Variants in AGBL4 observed in about 807,000 individuals in gnomAD.
AGBL4 encodes cytosolic carboxypeptidase 6.
A neutral mutation model predicts 66.4 loss-of-function variants in AGBL4; 58 were observed. The ratio of observed to expected loss-of-function variants is 0.87; its 90% CI spans 0.71 to 1.09. The LOEUF (loss-of-function observed/expected upper bound fraction) is 1.09. AGBL4 is among the 50% of genes least tolerant of loss of function. The pLI is 0.00. For synonymous variants in AGBL4, 234 were observed against 222.9 expected (o/e 1.05, Z -0.44); for missense variants, 579 against 631.0 (o/e 0.92, Z 0.88).
At chr1:49,145,185 A>G (rs1646193658) in intron 4 of AGBL4, among the ~76,000 whole-genome samples, 1 of 152,132 alleles carries the variant, frequency 6.6e-6, no homozygotes, top group Admixed American at 6.5e-5. Flanking sequence ...GAGACAAGCA[A>G]CTTCTTATGG....
chr1:48,806,664 G>GA (rs1336255997), intron 6 of AGBL4, among the ~76,000 whole-genome samples: 1 of 152,170 alleles, frequency 6.6e-6, no homozygotes, highest in East Asian at 1.9e-4. Flanking sequence ...TAGCCTGGGG[G>GA]ACACAAAGAG....
intron 4 of AGBL4, among the ~76,000 whole-genome samples, chr1:49,084,453 AC>A (rs373981629): frequency 2.3e-4 from 35 of 152,304 alleles, no homozygotes; most frequent in African/African-American, 8.4e-4. Context: ...GAGCAAAGGT[AC>A]ATCTTACATT....
At chr1:49,064,956 GTTA>G (rs1254413502) in intron 4 of AGBL4, among the ~76,000 whole-genome samples, 2 of 152,118 alleles carry the variant, frequency 1.3e-5, no homozygotes, top group East Asian at 3.9e-4. Flanking sequence ...TCATTATAAT[GTTA>G]TTAGTTTTAT....
chr1:49,944,577 C>A (rs1655047636), intron 1 of AGBL4, among the ~76,000 whole-genome samples: 1 of 152,036 alleles, frequency 6.6e-6, no homozygotes, highest in Non-Finnish European at 1.5e-5. Context: ...AAACCCTAGA[C>A]CTTCCCTCTG....
intron 4 of AGBL4, among the ~76,000 whole-genome samples, chr1:49,172,833 A>G (rs759183824): frequency 6.6e-6 from 1 of 152,182 alleles, no homozygotes; most frequent in South Asian, 2.1e-4. Context: ...TTTGGATATA[A>G]TAGTACTCTA....
chr1:49,166,892 T>C (rs1646645261), intron 4 of AGBL4, among the ~76,000 whole-genome samples: 1 of 152,180 alleles, frequency 6.6e-6, no homozygotes, highest in African/African-American at 2.4e-5. Flanking sequence ...GACTTTTAAC[T>C]TCATGATTCT....
rs1385256429 is a variant in AGBL4, at chr1:48,535,265, C to T, written c.1365-349G>A. On this transcript the variant is annotated intron_variant, in intron 12 of 13. Coordinates refer to ENST00000371839, the MANE Select transcript of AGBL4 (RefSeq NM_032785.4). ...CACTGGAAGGCAAAACATCCCATACCTTTAGGCCTCTGCAGAGGCTGTTTC... is the reference window on the plus strand; with the variant it reads ...CACTGGAAGGCAAAACATCCCATACTTTTAGGCCTCTGCAGAGGCTGTTTC... Among the ~76,000 whole-genome samples the T allele has an allele frequency of 2.6e-5, 4 of 152,036 alleles. No individual in the cohort carries two copies. The East Asian group carries it at 7.7e-4, about 29-fold the overall frequency.
chr1:49,712,136 G>A (rs1325546531), intron 2 of AGBL4, among the ~76,000 whole-genome samples: 2 of 151,880 alleles, frequency 1.3e-5, no homozygotes, highest in African/African-American at 4.8e-5. Flanking sequence ...AATTGAACAT[G>A]AAATAATTGT....
intron 4 of AGBL4, among the ~76,000 whole-genome samples, chr1:49,155,828 C>T (rs1198644251): frequency 6.6e-6 from 1 of 152,178 alleles, no homozygotes; most frequent in Non-Finnish European, 1.5e-5. Flanking sequence ...ATCTTCCTGG[C>T]TGATCTACCA....
chr1:48,639,773 T>C (rs953770984), intron 8 of AGBL4, among the ~76,000 whole-genome samples: 3 of 152,188 alleles, frequency 2.0e-5, no homozygotes, highest in Non-Finnish European at 4.4e-5. Context: ...GGGTATAGCA[T>C]GTGCAAAGTT....
intron 5 of AGBL4, among the ~76,000 whole-genome samples, chr1:48,927,481 C>T (rs931989406): frequency 2.0e-5 from 3 of 152,056 alleles, no homozygotes; most frequent in Admixed American, 6.6e-5. Context: ...AGCTACAATT[C>T]GAGATTTGGG....
chr1:48,684,768 T>A (rs993587722), intron 6 of AGBL4, among the ~76,000 whole-genome samples: 3 of 152,116 alleles, frequency 2.0e-5, no homozygotes, highest in African/African-American at 7.2e-5. Flanking sequence ...GAGATCCTTA[T>A]CCATTAAAAA....
chr1:49,035,393 A>G (rs1043446560), intron 5 of AGBL4, among the ~76,000 whole-genome samples: 4 of 152,188 alleles, frequency 2.6e-5, no homozygotes, highest in African/African-American at 9.6e-5. Flanking sequence ...CAGGAATGAA[A>G]GGAAGAAAAG....
intron 3 of AGBL4, among the ~76,000 whole-genome samples, chr1:49,261,143 T>A (rs1653117499): frequency 6.6e-6 from 1 of 152,038 alleles, no homozygotes; most frequent in African/African-American, 2.4e-5. Flanking sequence ...AAATTAGGTA[T>A]TGATGGGACA....
intron 11 of AGBL4, among the ~76,000 whole-genome samples, chr1:48,569,928 G>C (rs1644532716): frequency 6.6e-6 from 1 of 152,172 alleles, no homozygotes; most frequent in Admixed American, 6.5e-5. Context: ...CAATGAAGTT[G>C]TGTTTTCAAA....
chr1:49,001,970 A>C (rs1661424489), intron 5 of AGBL4, among the ~76,000 whole-genome samples: 1 of 152,252 alleles, frequency 6.6e-6, no homozygotes, highest in South Asian at 2.1e-4. Flanking sequence ...AATCGTCTTT[A>C]CACTATAGGG....
At chr1:49,178,890 G>A (rs1646878086) in intron 4 of AGBL4, among the ~76,000 whole-genome samples, 1 of 152,104 alleles carries the variant, frequency 6.6e-6, no homozygotes, top group African/African-American at 2.4e-5. Flanking sequence ...ATCCACTTGG[G>A]GTGACTAGAG....
chr1:49,695,286 CA>C (rs1159196603), intron 3 of AGBL4, among the ~76,000 whole-genome samples: 1 of 151,958 alleles, frequency 6.6e-6, no homozygotes, highest in Admixed American at 6.6e-5. Context: ...TTGTGACAAC[CA>C]TAAGTTGCTG....
chr1:48,878,580 T>C (rs1360965054), intron 5 of AGBL4, among the ~76,000 whole-genome samples: 1 of 152,122 alleles, frequency 6.6e-6, no homozygotes, highest in African/African-American at 2.4e-5. Flanking sequence ...CAGCACCTTG[T>C]ATTACCCTTG....
Sources: allele counts gnomAD v4.1 joint callset (sites outside exome capture counted in the v4.1 genomes callset), GRCh38; gene constraint gnomAD v4.1.1; transcripts MANE v1.5; gene names NCBI Gene and HGNC (gene_info 2026-07-23, HGNC 2026-07-21).